Variants in SRC observed in about 807,000 individuals in gnomAD.
SRC encodes the protein SRC proto-oncogene, non-receptor tyrosine kinase, also known as proto-oncogene tyrosine-protein kinase Src.
A neutral mutation model predicts 62.9 loss-of-function variants in SRC; 13 were observed. The observed-to-expected ratio is 0.21, with a 90% confidence interval of 0.13 to 0.33. SRC has a LOEUF of 0.33. Among genes scored for constraint, SRC ranks in the 10% least tolerant of loss-of-function variants. SRC has a pLI of 1.00. For synonymous variants in SRC, 302 were observed against 317.5 expected (o/e 0.95, Z 0.52); for missense variants, 457 against 737.3 (o/e 0.62, Z 4.40).
chr20:37,357,761 C>T (rs190184524), intron 1 of SRC, among the ~76,000 whole-genome samples: 20 of 152,308 alleles, frequency 1.3e-4, no homozygotes, highest in Admixed American at 7.2e-4. Flanking sequence ...TATCAAGAAA[C>T]AGGTGGTCGA....
intron 1 of SRC, among the ~76,000 whole-genome samples, chr20:37,346,466 G>T (rs2069722479): frequency 6.6e-6 from 1 of 151,872 alleles, no homozygotes; most frequent in African/African-American, 2.4e-5. Context: ...GTGATGCAGC[G>T]GGGGGAGGGG....
At chr20:37,356,339 G>A (rs765649813) in intron 1 of SRC, among the ~76,000 whole-genome samples, 2 of 152,184 alleles carry the variant, frequency 1.3e-5, no homozygotes, top group Non-Finnish European at 1.5e-5. Flanking sequence ...CCTGCTCCTC[G>A]GGCAGTGAGG....
In SRC at chr20:37,351,832, G is replaced by A. The variant is rs1478344326; in HGVS notation, c.-247+5577G>A. 6.6e-6 allele frequency among the ~76,000 whole-genome samples: 1 copy of A among 152,208 alleles called. No individual in the cohort carries two copies. The highest frequency in any genetic ancestry group is 2.4e-5 in the African/African-American group (1 of 41,444). ...CCACAGGAGTGCAGCAAAGTGAGGT[G>A]TGAGCCCAGACTTCTGGCTGCTGAG... On this transcript the variant is annotated intron_variant, in intron 1 of 13. Transcript: ENST00000373578. This position sits in a 1 kb window ranked among gnomAD's most constrained non-coding sequence, Gnocchi z 4.4.
rs1568627954 is a variant in SRC at position 37,373,145 on chromosome 20, C to T, written c.-173+7868C>T. ...ATATGTACATATATACACATATGTACATATACACACATACACACATATATG... is the reference window on the plus strand; with the variant it reads ...ATATGTACATATATACACATATGTATATATACACACATACACACATATATG... On this transcript the variant is annotated intron_variant, in intron 2 of 13. Coordinates refer to ENST00000373578, the MANE Select transcript of SRC (RefSeq NM_198291.3). Among the ~76,000 whole-genome samples the T allele has an allele frequency of 6.6e-5, 10 of 151,282 alleles. 1 individual carries two copies. In the East Asian group the frequency reaches 1.9e-3, roughly 29 times the overall value.
chr20:37,356,481 C>T lies in SRC; in HGVS notation c.-246-8723C>T, dbSNP rs558889615. ...GGGCCTGGAGAGAAGCAGGCACTGG[C>T]AGGGGAAATGGCCAGGTCTGGGATG... On this transcript the variant is annotated intron_variant, in intron 1 of 13. Coordinates refer to ENST00000373578, the MANE Select transcript of SRC (RefSeq NM_198291.3). 1.0e-3 allele frequency among the ~76,000 whole-genome samples: 153 copies of T among 151,328 alleles called. 1 individual carries two copies. Among genetic ancestry groups the T allele is most frequent in the Admixed American group, 2.0e-3 (31 of 15,232 alleles).
rs769358602 is a variant in SRC at position 37,394,199 on chromosome 20, C to T, written c.475C>T (p.Arg159Trp). The T allele has an allele frequency of 2.3e-5, 37 of 1,613,892 alleles. No homozygotes were observed. Among genetic ancestry groups the T allele is most frequent in the Non-Finnish European group, 3.1e-5 (36 of 1,180,038 alleles). Residue 159 changes from arginine to tryptophan, a missense_variant, in exon 7 of 14, where the codon CGG becomes TGG. Arg to Trp is a moderately radical substitution (Grantham distance 101, BLOSUM62 -3). Coordinates refer to ENST00000373578, the MANE Select transcript of SRC (RefSeq NM_198291.3). ...GTGGTATTTTGGCAAGATCACCAGA[C>T]GGGAGTCAGAGCGGTTACTGCTCAA... ...EEWYFGKITR[R>W]ESERLLLNAE...
At chr20:37,386,471 A>G in intron 5 of SRC, 1 of 477,704 alleles carries the variant, frequency 2.1e-6, no homozygotes. Context: ...AGGAAGGTGG[A>G]TGTCAGGTGT....
chr20:37,379,895 CA>C (rs774306236), intron 2 of SRC, among the ~76,000 whole-genome samples: 160 of 41,056 alleles, frequency 3.9e-3, no homozygotes, highest in East Asian at 9.1e-3. Context: ...GACTCCATTT[CA>C]AAAAAAAAAA....
rs139536365 is a variant in SRC, at chr20:37,401,663, G to A, written c.1101G>A (p.Val367=). The A allele has an allele frequency of 7.5e-6, 12 of 1,610,242 alleles. No homozygotes were observed. In the African/African-American group the frequency reaches 1.3e-4, roughly 18 times the overall value. Residue 367 remains valine, a synonymous_variant, in exon 11 of 14, where the codon GTG becomes GTA. Coordinates refer to ENST00000373578, the MANE Select transcript of SRC (RefSeq NM_198291.3). ...TGKYLRLPQL[V]DMAAQIASGM... ...AGTACCTGCGGCTGCCTCAGCTGGT[G>A]GACATGGCTGCTCAGGTGAGTCAGC...
At chr20:37,401,081 T>G (rs2070729880) in intron 10 of SRC, among the ~76,000 whole-genome samples, 1 of 152,116 alleles carries the variant, frequency 6.6e-6, no homozygotes, top group Admixed American at 6.6e-5. Context: ...ACTGCAGCCT[T>G]GACCTCCCAG....
At position 37,374,085 on chromosome 20, in the gene SRC, T is replaced by C. The variant is rs1045568253; in HGVS notation, c.-172-8534T>C. Among the ~76,000 whole-genome samples, 553 of 96,690 alleles carry C rather than the reference T, an allele frequency of 5.7e-3. 2 individuals carry two copies. The highest frequency in any genetic ancestry group is 0.036 in the African/African-American group (475 of 13,254). The allele number at this position is 96,690 out of a possible 152,430, so 63.4% of individuals were successfully genotyped here. A position where few individuals can be genotyped will look rare whatever the true frequency, so the allele number is the denominator to read the frequency against. The stretch of plus-strand genomic sequence containing the variant: ...TTCTAGATTGATTTATGAATAATTT[T>C]TTTTTTTTTTTTTAGATAGAGTCTT... On this transcript the variant is annotated intron_variant, in intron 2 of 13. Transcript: ENST00000373578.
At chr20:37,391,294 T>C (rs1461035164) in intron 5 of SRC, among the ~76,000 whole-genome samples, 1 of 152,134 alleles carries the variant, frequency 6.6e-6, no homozygotes, top group African/African-American at 2.4e-5. Context: ...TTCCCAAAGG[T>C]CTCAGCCTCT....
chr20:37,374,451 T>C (rs1234953837), intron 2 of SRC, among the ~76,000 whole-genome samples: 2 of 152,198 alleles, frequency 1.3e-5, no homozygotes, highest in African/African-American at 4.8e-5. Flanking sequence ...CATAATTGAT[T>C]TGGGAATGTT....
chr20:37,389,153 G>A (rs536822238), intron 5 of SRC, among the ~76,000 whole-genome samples: 1 of 152,228 alleles, frequency 6.6e-6, no homozygotes, highest in Admixed American at 6.5e-5. Flanking sequence ...CCTGGGTCCT[G>A]GTATTCTGGG....
intron 2 of SRC, among the ~76,000 whole-genome samples, chr20:37,367,095 AT>A (rs770197409): frequency 0.084 from 10,562 of 125,344 alleles, 487 homozygotes; most frequent in African/African-American, 0.19. Flanking sequence ...TGTGGTTTTG[AT>A]TTTTTTTTTT....
chr20:37,374,859 G>A (rs2070253233), intron 2 of SRC, among the ~76,000 whole-genome samples: 2 of 151,528 alleles, frequency 1.3e-5, no homozygotes, highest in African/African-American at 2.4e-5. Flanking sequence ...ACAGGTGTGA[G>A]CCACCACACC....
Position 37,393,925 on chromosome 20 carries a change from C to T in SRC, c.381C>T (p.Leu127=). The T allele has an allele frequency of 1.2e-6, 2 of 1,614,062 alleles. No individual in the cohort carries two copies. The highest frequency in any genetic ancestry group is 1.7e-4 in the Middle Eastern group (1 of 6,060). The change falls in exon 6 of 14, where the codon CTC becomes CTT. Residue 127 remains leucine, a synonymous_variant. Coordinates refer to ENST00000373578, the MANE Select transcript of SRC (RefSeq NM_198291.3). ...TEGDWWLAHS[L]STGQTGYIPS... is the part of the protein sequence containing the mutation. ...GAGACTGGTGGCTGGCCCACTCGCT[C>T]AGCACAGGACAGACAGGCTACATCC...
intron 2 of SRC, among the ~76,000 whole-genome samples, chr20:37,370,292 T>C (rs901653458): frequency 1.1e-4 from 16 of 152,222 alleles, no homozygotes; most frequent in African/African-American, 3.9e-4. Context: ...AAACCAACTT[T>C]GGCTGGGCTT....
upstream of SRC, among the ~76,000 whole-genome samples, chr20:37,345,698 C>G (rs1375492929): frequency 1.3e-5 from 2 of 152,254 alleles, no homozygotes; most frequent in African/African-American, 4.8e-5. Context: ...GGATTAAACC[C>G]TGAAGTCGAC....
Sources: gnomAD v4.1 joint callset for allele counts (sites outside exome capture counted in the v4.1 genomes callset) on GRCh38, gnomAD v4.1.1 for gene constraint, Gnocchi (gnomAD v3.1) non-coding constraint, MANE v1.5 for transcripts, NCBI Gene and HGNC (gene_info 2026-07-23, HGNC 2026-07-21) for gene names.